Variants in CDS1 observed in about 807,000 individuals in gnomAD.
The protein encoded by CDS1 is phosphatidate cytidylyltransferase 1.
A neutral mutation model predicts 62.1 loss-of-function variants in CDS1; 41 were observed. The observed-to-expected ratio is 0.66, with a 90% CI of 0.51 to 0.86. The LOEUF (loss-of-function observed/expected upper bound fraction) is 0.86, where lower values mean the gene tolerates loss of function less well. Ranked by LOEUF, CDS1 falls within the 40% of genes least tolerant of loss-of-function variation. The pLI is 0.00. For synonymous variants in CDS1, 185 were observed against 192.6 expected, an observed-to-expected ratio of 0.96 and a Z score of 0.32; for missense variants, 470 against 550.1, an observed-to-expected ratio of 0.85 and a Z score of 1.46.
intron 12 of CDS1, among the ~76,000 whole-genome samples, chr4:84,647,701 A>G (rs1166497718): frequency 6.6e-6 from 1 of 152,234 alleles, no homozygotes; most frequent in Non-Finnish European, 1.5e-5. Flanking sequence ...GGGATGGCTC[A>G]TCTGGGCTCT....
At chr4:84,598,965 C>T (rs1722838141) in intron 1 of CDS1, among the ~76,000 whole-genome samples, 1 of 152,178 alleles carries the variant, frequency 6.6e-6, no homozygotes, top group South Asian at 2.1e-4. Flanking sequence ...CTTTCCTGGA[C>T]TGCTCTTTAA....
chr4:84,631,497 A>T (rs1724018511), intron 5 of CDS1, among the ~76,000 whole-genome samples: 2 of 152,228 alleles, frequency 1.3e-5, no homozygotes, highest in Admixed American at 1.3e-4. Context: ...TTGTTATAGC[A>T]AATAAATACT....
chr4:84,630,427 G>GTCATGGTCCTT (rs1723985303), intron 5 of CDS1, among the ~76,000 whole-genome samples: 2 of 152,142 alleles, frequency 1.3e-5, no homozygotes, highest in Admixed American at 1.3e-4. Flanking sequence ...TCTTCATTTT[G>GTCATGGTCCTT]TCATGGTCCT....
chr4:84,633,323 C>T (rs143425095), intron 6 of CDS1, among the ~76,000 whole-genome samples: 14 of 152,264 alleles, frequency 9.2e-5, no homozygotes, highest in Non-Finnish European at 1.9e-4. Flanking sequence ...ATTGAACAGA[C>T]CTGTCACGAT....
At chr4:84,615,679 T>G (rs1723469212) in intron 3 of CDS1, among the ~76,000 whole-genome samples, 1 of 152,102 alleles carries the variant, frequency 6.6e-6, no homozygotes, top group Non-Finnish European at 1.5e-5. Context: ...AGACTGTACC[T>G]CTCTGTGAAC....
chr4:84,612,988 CAAA>C (rs779175772), intron 3 of CDS1, among the ~76,000 whole-genome samples: 5 of 60,624 alleles, frequency 8.2e-5, no homozygotes, highest in Admixed American at 1.7e-4. Context: ...GATCCTGTCT[CAAA>C]AAAAAAAAAA....
intron 5 of CDS1, among the ~76,000 whole-genome samples, chr4:84,628,857 C>T (rs1312982653): frequency 6.6e-6 from 1 of 152,022 alleles, no homozygotes; most frequent in African/African-American, 2.4e-5. Context: ...TTTGAATACA[C>T]CTCTCTTTAG....
chr4:84,629,367 A>AG (rs1275483147), intron 5 of CDS1, among the ~76,000 whole-genome samples: 1 of 151,904 alleles, frequency 6.6e-6, no homozygotes, highest in Admixed American at 6.6e-5. Flanking sequence ...GAAAAAAAAA[A>AG]AAAAACCACA....
intron 12 of CDS1, among the ~76,000 whole-genome samples, chr4:84,645,630 A>T (rs920405379): frequency 6.6e-6 from 1 of 152,206 alleles, no homozygotes; most frequent in Non-Finnish European, 1.5e-5. Context: ...CATTGCAATG[A>T]TCATGAATAC....
In CDS1 at chr4:84,625,110, C is replaced by T. The variant is rs6826352; in HGVS notation, c.580+5577C>T. Among the ~76,000 whole-genome samples, 1,058 of 152,230 alleles carry T rather than the reference C, an allele frequency of 7.0e-3. 13 individuals carry two copies. The highest frequency in any genetic ancestry group is 0.024 in the African/African-American group (998 of 41,528). On this transcript the variant is annotated intron_variant, in intron 5 of 12. Transcript: ENST00000295887. ...TCCTGAGATCAAGTGATCCTCCTGCCTTGATCTCCAAAAGTGCTGGGATTA... is the reference window on the plus strand; with the variant it reads ...TCCTGAGATCAAGTGATCCTCCTGCTTTGATCTCCAAAAGTGCTGGGATTA...
intron 11 of CDS1, among the ~76,000 whole-genome samples, 178 bp downstream of exon 11, chr4:84,643,321 G>A (rs1315290279): frequency 6.6e-6 from 1 of 152,060 alleles, no homozygotes; most frequent in Non-Finnish European, 1.5e-5. Flanking sequence ...TTTCTTTTTA[G>A]GTTTGTCATA....
chr4:84,587,923 C>G (rs1289303933), intron 1 of CDS1, among the ~76,000 whole-genome samples: 1 of 152,146 alleles, frequency 6.6e-6, no homozygotes, highest in Non-Finnish European at 1.5e-5. Context: ...CTCAGTTAGT[C>G]TTTCCTAGAT....
intron 5 of CDS1, among the ~76,000 whole-genome samples, chr4:84,624,650 T>C (rs1201690733): frequency 1.3e-5 from 2 of 152,202 alleles, no homozygotes; most frequent in African/African-American, 4.8e-5. Flanking sequence ...TGTCAGCATA[T>C]AAGGTGATTA....
At chr4:84,585,803 C>T (rs1189951476) in intron 1 of CDS1, among the ~76,000 whole-genome samples, 2 of 152,102 alleles carry the variant, frequency 1.3e-5, no homozygotes, top group East Asian at 3.9e-4. Context: ...AGGAATGTTC[C>T]CAAGTGTTAA....
At chr4:84,592,154 ATT>A (rs72236126) in intron 1 of CDS1, among the ~76,000 whole-genome samples, 23 of 86,048 alleles carry the variant, frequency 2.7e-4, no homozygotes, top group Admixed American at 1.5e-3. Context: ...TTAATGACCA[ATT>A]TTTTTTTTTT....
chr4:84,588,596 G>C (rs1722487393), intron 1 of CDS1, among the ~76,000 whole-genome samples: 1 of 152,118 alleles, frequency 6.6e-6, no homozygotes. Context: ...TAGAGAATGG[G>C]TGCTGCTGAT....
At chr4:84,604,517 T>A (rs546881953) in intron 2 of CDS1, 147 bp downstream of exon 2, 1 of 685,144 alleles carries the variant, frequency 1.5e-6, no homozygotes, top group East Asian at 2.6e-5. Context: ...GAGGTATAGT[T>A]CTATGTATTT....
intron 1 of CDS1, among the ~76,000 whole-genome samples, chr4:84,593,537 C>T (rs1396174945): frequency 6.6e-6 from 1 of 151,498 alleles, no homozygotes; most frequent in Non-Finnish European, 1.5e-5. Context: ...TAGAGTCTTG[C>T]TCTGTCACCC....
rs1039473958 is a variant in CDS1, at chr4:84,649,223, A to G, written c.*537A>G. On this transcript the variant is annotated 3_prime_UTR_variant, in exon 13 of 13. Coordinates refer to ENST00000295887, the MANE Select transcript of CDS1 (RefSeq NM_001263.4). Reference sequence around the variant, plus strand: ...AAAAAGATTGTCTACTTTTCAAAGAAGTAACCATTTGCCAGGGGAAAACAT... The same window carrying G: ...AAAAAGATTGTCTACTTTTCAAAGAGGTAACCATTTGCCAGGGGAAAACAT... 3 of 152,172 alleles carry G rather than the reference A, an allele frequency of 2.0e-5. No homozygotes were observed. The highest frequency in any genetic ancestry group is 4.4e-5 in the Non-Finnish European group (3 of 68,034). 9.4% of individuals were successfully genotyped at this position (152,172 alleles called of 1,614,324 possible). A position where few individuals can be genotyped will look rare whatever the true frequency, so the allele number is the denominator to read the frequency against.
Sources: allele counts gnomAD v4.1 joint callset (sites outside exome capture counted in the v4.1 genomes callset), GRCh38; gene constraint gnomAD v4.1.1; transcripts MANE v1.5; gene names NCBI Gene and HGNC (gene_info 2026-07-23, HGNC 2026-07-21).